The following TAX1BP1 variants were observed in gnomAD, a reference collection of about 807,000 sequenced individuals.
TAX1BP1 encodes Tax1 binding protein 1.
In TAX1BP1, 62 loss-of-function variants were observed where a neutral mutation model predicts 97.7. The ratio of observed to expected loss-of-function variants is 0.63; its 90% CI spans 0.52 to 0.78. The LOEUF is 0.78. TAX1BP1 is among the 30% of genes least tolerant of loss of function. TAX1BP1 has a pLI of 0.00. For missense variants in TAX1BP1, 867 were observed against 916.1 expected (o/e 0.95, Z 0.69); for synonymous variants, 340 against 304.2 (o/e 1.12, Z -1.23).
chr7:27,761,864 T>C (rs1376566996), intron 3 of TAX1BP1, among the ~76,000 whole-genome samples: 1 of 152,200 alleles, frequency 6.6e-6, no homozygotes, highest in African/African-American at 2.4e-5. Context: ...TAATTAATTG[T>C]ATAAGAGCAT....
At chr7:27,812,205 G>A (rs981487564) in intron 13 of TAX1BP1, among the ~76,000 whole-genome samples, 2 of 152,174 alleles carry the variant, frequency 1.3e-5, no homozygotes, top group African/African-American at 4.8e-5. Context: ...GGGTGTATTA[G>A]TGTTATCTCA....
At chr7:27,756,137 A>G (rs917081711) in intron 2 of TAX1BP1, among the ~76,000 whole-genome samples, 2 of 152,164 alleles carry the variant, frequency 1.3e-5, no homozygotes, top group Non-Finnish European at 2.9e-5. Context: ...TTATTATTGC[A>G]GTGGACTCCT....
chr7:27,813,741 A>T (rs1790650848), intron 13 of TAX1BP1, among the ~76,000 whole-genome samples: 1 of 152,244 alleles, frequency 6.6e-6, no homozygotes. Context: ...TGTGAAAATC[A>T]GTGAGAAACA....
intron 4 of TAX1BP1, among the ~76,000 whole-genome samples, chr7:27,767,970 T>A (rs7790914): frequency 6.6e-6 from 1 of 151,890 alleles, no homozygotes; most frequent in African/African-American, 2.4e-5. Flanking sequence ...TTATCTGGGG[T>A]CCTGTTGACA....
At chr7:27,798,351 T>C (rs1046490653) in intron 12 of TAX1BP1, among the ~76,000 whole-genome samples, 2 of 151,908 alleles carry the variant, frequency 1.3e-5, no homozygotes, top group East Asian at 1.9e-4. Flanking sequence ...CTGGGTGATA[T>C]TGTAGTTGAA....
intron 13 of TAX1BP1, among the ~76,000 whole-genome samples, chr7:27,807,800 T>C (rs1252126029): frequency 2.6e-5 from 4 of 152,236 alleles, no homozygotes; most frequent in Admixed American, 2.0e-4. Flanking sequence ...AGAATTTTTC[T>C]GTAAGAGCTA....
intron 5 of TAX1BP1, among the ~76,000 whole-genome samples, chr7:27,778,672 G>A (rs1472418459): frequency 6.6e-6 from 1 of 152,016 alleles, no homozygotes; most frequent in Non-Finnish European, 1.5e-5. Flanking sequence ...AGACCATCCT[G>A]GCCAACATGG....
intron 1 of TAX1BP1, among the ~76,000 whole-genome samples, chr7:27,743,460 C>T (rs1044567659): frequency 1.3e-5 from 2 of 152,198 alleles, no homozygotes; most frequent in African/African-American, 2.4e-5. Flanking sequence ...CTTTCAGTAA[C>T]TCTATCAACC....
chr7:27,811,512 G>A (rs1230726046), intron 13 of TAX1BP1, among the ~76,000 whole-genome samples: 1 of 151,890 alleles, frequency 6.6e-6, no homozygotes, highest in African/African-American at 2.4e-5. Flanking sequence ...GAAATGACAA[G>A]CAGCAAAACC....
At chr7:27,763,707 G>C (rs929609534) in intron 3 of TAX1BP1, among the ~76,000 whole-genome samples, 7 of 151,816 alleles carry the variant, frequency 4.6e-5, no homozygotes, top group Non-Finnish European at 8.8e-5. Flanking sequence ...GGTGGAGGTT[G>C]CAGTAAGCTG....
intron 13 of TAX1BP1, among the ~76,000 whole-genome samples, chr7:27,815,132 C>T (rs1322299000): frequency 6.6e-6 from 1 of 152,036 alleles, no homozygotes; most frequent in East Asian, 1.9e-4. Flanking sequence ...TCCAGTCTAC[C>T]TTAATTTTGC....
intron 5 of TAX1BP1, among the ~76,000 whole-genome samples, chr7:27,771,479 A>G (rs1291189640): frequency 6.6e-6 from 1 of 151,770 alleles, no homozygotes; most frequent in Non-Finnish European, 1.5e-5. Context: ...GAAATTACAT[A>G]TATATATACA....
At chr7:27,783,903 T>C (rs535565416) in intron 5 of TAX1BP1, among the ~76,000 whole-genome samples, 1 of 152,340 alleles carries the variant, frequency 6.6e-6, no homozygotes, top group East Asian at 1.9e-4. Context: ...TGTTTTTTTC[T>C]CTGGTATTAT....
intron 5 of TAX1BP1, among the ~76,000 whole-genome samples, chr7:27,784,696 A>G (rs1288967971): frequency 1.3e-5 from 2 of 151,986 alleles, no homozygotes; most frequent in Non-Finnish European, 2.9e-5. Flanking sequence ...AGGTGGGGGG[A>G]AAATGTATAT....
At chr7:27,820,187 C>T (rs1222467242) in intron 15 of TAX1BP1, among the ~76,000 whole-genome samples, 1 of 152,210 alleles carries the variant, frequency 6.6e-6, no homozygotes, top group African/African-American at 2.4e-5. Context: ...TGCATTCTTG[C>T]ATTTCTTAGT....
chr7:27,752,167 A>G (rs886827002), intron 2 of TAX1BP1, among the ~76,000 whole-genome samples: 1 of 147,786 alleles, frequency 6.8e-6, no homozygotes, highest in Non-Finnish European at 1.5e-5. Context: ...AGATAATGAA[A>G]GCCTAAAGTG....
intron 11 of TAX1BP1, 66 bp from the exon 12 acceptor site, chr7:27,796,050 C>A: frequency 1.6e-6 from 2 of 1,223,692 alleles, no homozygotes; most frequent in Non-Finnish European, 2.3e-6. Context: ...TTAAGTTATT[C>A]TGAACAGGAA....
In TAX1BP1 at chr7:27,762,454, G is replaced by A. The variant is rs1788462244; in HGVS notation, c.266-3380G>A. The stretch of plus-strand genomic sequence containing the variant: ...CTCACACCTGTAATCTCAGCTGTTT[G>A]GGAGGTTGAGGCAGGTGGATGGCTT... On this transcript the variant is annotated intron_variant, in intron 3 of 16. Transcript: ENST00000396319. Among the ~76,000 whole-genome samples the A allele has an allele frequency of 5.0e-5, 7 of 138,762 alleles. No homozygotes were observed. The South Asian group carries it at 1.7e-3, about 35-fold the overall frequency. 91.0% of individuals were successfully genotyped at this position (138,762 alleles called of 152,430 possible). A position where few individuals can be genotyped will look rare whatever the true frequency, so the allele number is the denominator to read the frequency against.
At chr7:27,776,674 T>C (rs541807216) in intron 5 of TAX1BP1, among the ~76,000 whole-genome samples, 37 of 152,140 alleles carry the variant, frequency 2.4e-4, no homozygotes, top group Admixed American at 9.8e-4. Context: ...TGTATACTTA[T>C]GGTTTTCATT....
Sources: allele counts gnomAD v4.1 joint callset (sites outside exome capture counted in the v4.1 genomes callset), GRCh38; gene constraint gnomAD v4.1.1; transcripts MANE v1.5; gene names NCBI Gene and HGNC (gene_info 2026-07-23, HGNC 2026-07-21).